The following EPHA6 variants were observed in gnomAD, a reference collection of about 807,000 sequenced individuals.
EPHA6 encodes the protein EPH receptor A6, also known as ephrin type-A receptor 6.
In EPHA6, 50 loss-of-function variants were observed where a neutral mutation model predicts 112.0. The ratio of observed to expected loss-of-function variants is 0.45; its 90% CI spans 0.36 to 0.56. The LOEUF (loss-of-function observed/expected upper bound fraction) is 0.56. Among genes scored for constraint, EPHA6 ranks in the 20% least tolerant of loss-of-function variants. The pLI is 0.00. For missense variants in EPHA6, 1,280 were observed against 1,417.4 expected (o/e 0.90, Z 1.56); for synonymous variants, 529 against 490.7 (o/e 1.08, Z -1.03).
intron 5 of EPHA6, among the ~76,000 whole-genome samples, chr3:97,283,770 A>C (rs2080371523): frequency 6.6e-6 from 1 of 152,118 alleles, no homozygotes; most frequent in Non-Finnish European, 1.5e-5. Context: ...ACTTAAAATA[A>C]ATAATAATAA....
intron 3 of EPHA6, among the ~76,000 whole-genome samples, chr3:97,202,483 C>T (rs2077601266): frequency 6.6e-6 from 1 of 151,920 alleles, no homozygotes; most frequent in Non-Finnish European, 1.5e-5. Flanking sequence ...AGGTACCTGC[C>T]TCCATGCCCG....
chr3:97,159,079 G>T (rs1263030167), intron 3 of EPHA6, among the ~76,000 whole-genome samples: 2 of 152,066 alleles, frequency 1.3e-5, no homozygotes, highest in African/African-American at 2.4e-5. Context: ...CTTCATTCAT[G>T]AACTGCCTGG....
At chr3:97,454,841 G>A (rs1022670809) in intron 7 of EPHA6, among the ~76,000 whole-genome samples, 1 of 151,904 alleles carries the variant, frequency 6.6e-6, no homozygotes, top group Non-Finnish European at 1.5e-5. Context: ...ATTAATGGTA[G>A]CACATGAAGC....
At chr3:97,719,886 T>C (rs2034448484) in intron 14 of EPHA6, among the ~76,000 whole-genome samples, 2 of 152,194 alleles carry the variant, frequency 1.3e-5, no homozygotes, top group Admixed American at 1.3e-4. Context: ...CATTATTATT[T>C]ATAAATGCAA....
At chr3:97,000,188 T>C (rs2043592067) in intron 3 of EPHA6, among the ~76,000 whole-genome samples, 1 of 151,596 alleles carries the variant, frequency 6.6e-6, no homozygotes, top group African/African-American at 2.4e-5. Context: ...ACCTGTCCCC[T>C]GATTGCTAAG....
At chr3:97,518,464 T>C (rs927221392) in intron 10 of EPHA6, among the ~76,000 whole-genome samples, 35 of 152,040 alleles carry the variant, frequency 2.3e-4, no homozygotes, top group Admixed American at 4.6e-4. Flanking sequence ...TTTTTTTTTT[T>C]CCTTTGGATA....
chr3:97,455,460 C>T (rs1542425), intron 7 of EPHA6, among the ~76,000 whole-genome samples: 52 of 151,928 alleles, frequency 3.4e-4, no homozygotes, highest in Non-Finnish European at 6.9e-4. Flanking sequence ...ATGCTTAGAA[C>T]CAAAATTGAG....
chr3:96,963,681 A>G (rs1011385941), intron 2 of EPHA6, among the ~76,000 whole-genome samples: 102 of 152,278 alleles, frequency 6.7e-4, no homozygotes, highest in African/African-American at 9.6e-5. Flanking sequence ...TCTCCTGCTA[A>G]TTAAACAAAA....
At chr3:97,702,061 C>T (rs1316246369) in intron 14 of EPHA6, among the ~76,000 whole-genome samples, 1 of 152,172 alleles carries the variant, frequency 6.6e-6, no homozygotes, top group African/African-American at 2.4e-5. Context: ...CCCAGTTGTA[C>T]TGTCAAGGCT....
intron 5 of EPHA6, among the ~76,000 whole-genome samples, chr3:97,403,718 T>C (rs1361441600): frequency 6.6e-6 from 1 of 152,232 alleles, no homozygotes; most frequent in African/African-American, 2.4e-5. Context: ...AGTGCTGGGA[T>C]TACAGGCGTG....
intron 3 of EPHA6, among the ~76,000 whole-genome samples, chr3:97,053,328 T>C (rs2045746154): frequency 6.6e-6 from 1 of 152,024 alleles, no homozygotes; most frequent in Non-Finnish European, 1.5e-5. Flanking sequence ...GTAAGTTCAA[T>C]TCGAGCAGAG....
chr3:96,881,721 A>G (rs1195791078), intron 2 of EPHA6, among the ~76,000 whole-genome samples: 1 of 152,244 alleles, frequency 6.6e-6, no homozygotes, highest in Non-Finnish European at 1.5e-5. Flanking sequence ...CTCATCCAAG[A>G]CAAGGCAAAT....
intron 7 of EPHA6, among the ~76,000 whole-genome samples, chr3:97,462,878 G>C (rs1250974030): frequency 6.6e-6 from 1 of 152,062 alleles, no homozygotes; most frequent in East Asian, 1.9e-4. Context: ...AAGACTTGGG[G>C]CTTTCTAATT....
At chr3:97,631,257 GC>G (rs2093900475) in intron 13 of EPHA6, among the ~76,000 whole-genome samples, 2 of 152,058 alleles carry the variant, frequency 1.3e-5, no homozygotes, top group Non-Finnish European at 2.9e-5. Flanking sequence ...CTTCAGAGAT[GC>G]CCATCTTTTG....
intron 10 of EPHA6, among the ~76,000 whole-genome samples, chr3:97,499,123 G>T (rs1299097955): frequency 1.3e-5 from 2 of 152,140 alleles, no homozygotes; most frequent in African/African-American, 4.8e-5. Flanking sequence ...AAAAGCACAA[G>T]GATGCCATGC....
At chr3:97,188,186 T>C (rs2108471315) in intron 3 of EPHA6, among the ~76,000 whole-genome samples, 1 of 152,274 alleles carries the variant, frequency 6.6e-6, no homozygotes, top group Non-Finnish European at 1.5e-5. Flanking sequence ...GCATTATTTT[T>C]AATTGCAAAT....
At chr3:97,178,394 G>A (rs1416195119) in intron 3 of EPHA6, among the ~76,000 whole-genome samples, 4 of 151,930 alleles carry the variant, frequency 2.6e-5, no homozygotes, top group East Asian at 1.9e-4. Flanking sequence ...CACCACCATT[G>A]CAGTGTTATA....
chr3:97,031,439 G>A (rs1184174402), intron 3 of EPHA6, among the ~76,000 whole-genome samples: 1 of 152,078 alleles, frequency 6.6e-6, no homozygotes, highest in Non-Finnish European at 1.5e-5. Context: ...AGCCAAAATT[G>A]ACAAATGGGA....
chr3:97,600,407 C>G (rs2093633688), intron 12 of EPHA6, among the ~76,000 whole-genome samples: 3 of 151,024 alleles, frequency 2.0e-5, no homozygotes, highest in South Asian at 4.2e-4. Flanking sequence ...GTGGGTTTGT[C>G]ATAGATAGCT....
Sources: gnomAD v4.1 joint callset for allele counts (sites outside exome capture counted in the v4.1 genomes callset) on GRCh38, gnomAD v4.1.1 for gene constraint, MANE v1.5 for transcripts, NCBI Gene and HGNC (gene_info 2026-07-23, HGNC 2026-07-21) for gene names.